The following ATP10A variants were observed in gnomAD, a reference collection of about 807,000 sequenced individuals.
The protein encoded by ATP10A is ATPase phospholipid transporting 10A (putative), also known as phospholipid-transporting ATPase VA.
Under a neutral mutation model 147.8 loss-of-function variants are expected in ATP10A, and 111 were observed. The observed-to-expected ratio is 0.75, with a 90% CI of 0.64 to 0.88. ATP10A has a LOEUF of 0.88. Ranked by LOEUF, ATP10A falls within the 40% of genes least tolerant of loss-of-function variation. The probability of loss-of-function intolerance (pLI) is 0.00; values close to 1 mark genes in which losing one functional copy is unlikely to be tolerated. For missense variants in ATP10A, 1,927 were observed against 1,959.0 expected, an observed-to-expected ratio of 0.98 and a Z score of 0.31; for synonymous variants, 875 against 841.6, an observed-to-expected ratio of 1.04 and a Z score of -0.69.
Position 25,679,760 on chromosome 15 carries a change from C to T in ATP10A, c.4081G>A (p.Val1361Ile). 1 of 1,613,220 alleles carries T rather than the reference C, an allele frequency of 6.2e-7. No homozygotes were observed. The highest frequency in any genetic ancestry group is 1.7e-5 in the Admixed American group (1 of 60,030). Residue 1361 changes from valine to isoleucine, a missense_variant, in exon 21 of 21, where the codon GTC (valine) becomes ATC (isoleucine). Physicochemically the swap from Val to Ile is conservative, Grantham distance 29. Transcript: ENST00000555815. ...TCCCCGCTGGCCTCCAGGGAGCAGA[C>T]CGGCTGCTGTGTGTGCCAAGAAGGC... ...SQPSWHTQQP[V>I]CSLEASGEPS...
At chr15:25,775,180 C>T (rs1023050416) in intron 2 of ATP10A, among the ~76,000 whole-genome samples, 1 of 152,170 alleles carries the variant, frequency 6.6e-6, no homozygotes, top group Admixed American at 6.5e-5. Context: ...GACTTGGGTA[C>T]AAAAACTACC....
chr15:25,680,094 G>A, intron 20 of ATP10A, 27 bp downstream of exon 20: 1 of 1,608,140 alleles, frequency 6.2e-7, no homozygotes, highest in Non-Finnish European at 8.5e-7. Flanking sequence ...TCGGGGCTCA[G>A]AGGCACTATC....
intron 12 of ATP10A, among the ~76,000 whole-genome samples, chr15:25,706,191 G>A (rs1200172310): frequency 1.3e-5 from 2 of 152,158 alleles, no homozygotes; most frequent in Admixed American, 6.5e-5. Flanking sequence ...CATGAGCCTC[G>A]GGTGCCGCAG....
intron 1 of ATP10A, among the ~76,000 whole-genome samples, chr15:25,845,268 G>T (rs1380662035): frequency 6.6e-6 from 1 of 152,090 alleles, no homozygotes; most frequent in African/African-American, 2.4e-5. Flanking sequence ...AAAAGGCCAA[G>T]AAGACCAAGT....
chr15:25,862,251 A>G, intron 1 of ATP10A: 1 of 476,472 alleles, frequency 2.1e-6, no homozygotes, highest in Middle Eastern at 3.2e-4. Flanking sequence ...TTCAGAGACC[A>G]CTGTGCCTGG....
chr15:25,792,727 A>C (rs573122986), intron 1 of ATP10A, among the ~76,000 whole-genome samples: 1 of 152,068 alleles, frequency 6.6e-6, no homozygotes, highest in African/African-American at 2.4e-5. Flanking sequence ...CCTCCAGGAG[A>C]CTTGTTTGGA....
At chr15:25,743,667 AAC>A (rs1473427181) in intron 2 of ATP10A, among the ~76,000 whole-genome samples, 1 of 152,158 alleles carries the variant, frequency 6.6e-6, no homozygotes, top group African/African-American at 2.4e-5. Context: ...TGCTTAAAAC[AAC>A]AGTCATTTGT....
At chr15:25,702,233 G>GCCCC in intron 12 of ATP10A, 133 bp from the exon 13 acceptor site, 1 of 905,432 alleles carries the variant, frequency 1.1e-6, no homozygotes, top group Non-Finnish European at 1.6e-6. Context: ...GGCCTTGCCA[G>GCCCC]GGGCTGGGCT....
At chr15:25,756,092 G>C (rs1888392820) in intron 2 of ATP10A, among the ~76,000 whole-genome samples, 2 of 152,098 alleles carry the variant, frequency 1.3e-5, no homozygotes, top group African/African-American at 4.8e-5. Flanking sequence ...TCTAAGTTCT[G>C]TTCATTGTTT....
intron 12 of ATP10A, among the ~76,000 whole-genome samples, chr15:25,703,085 C>T (rs779397463): frequency 6.6e-6 from 1 of 152,168 alleles, no homozygotes; most frequent in Non-Finnish European, 1.5e-5. Context: ...GGGTCGGGCG[C>T]GGTGGCTCAC....
intron 1 of ATP10A, among the ~76,000 whole-genome samples, chr15:25,825,840 A>T: frequency 6.6e-6 from 1 of 152,210 alleles, no homozygotes; most frequent in East Asian, 1.9e-4. Context: ...GTCCATGCAC[A>T]CAGGAAAAAT....
Position 25,713,984 on chromosome 15 carries a change from G to A in ATP10A, c.2034C>T (p.Ala678=). The A allele has an allele frequency of 2.5e-6, 4 of 1,609,874 alleles. No homozygotes were observed. The highest frequency in any genetic ancestry group is 1.7e-6 in the Non-Finnish European group (2 of 1,179,932). ...ACTCCTGCTCCTGAGCAAGCTCCGA[G>A]GCCCAGTTGTCCGCCTGGCTGCTGT... ...NGYSSQADNW[A]SELAQEQESE... Residue 678 remains alanine, a synonymous_variant, in exon 10 of 21, where the codon GCC becomes GCT. Coordinates refer to ENST00000555815, the MANE Select transcript of ATP10A (RefSeq NM_024490.4).
At chr15:25,732,136 GA>G (rs1283107949) in intron 3 of ATP10A, among the ~76,000 whole-genome samples, 8 of 152,036 alleles carry the variant, frequency 5.3e-5, no homozygotes, top group Non-Finnish European at 1.5e-5. Context: ...CCTCCCAAAG[GA>G]TTACAGGCAT....
At chr15:25,810,316 G>A (rs1891372739) in intron 1 of ATP10A, among the ~76,000 whole-genome samples, 1 of 152,210 alleles carries the variant, frequency 6.6e-6, no homozygotes, top group Non-Finnish European at 1.5e-5. Context: ...GAGCCCACAG[G>A]GAGGACAGCT....
intron 1 of ATP10A, among the ~76,000 whole-genome samples, chr15:25,856,270 G>A (rs1212173817): frequency 3.9e-5 from 6 of 152,108 alleles, no homozygotes; most frequent in African/African-American, 1.4e-4. Context: ...TGAGTCTCAC[G>A]AGATCTGATG....
chr15:25,797,304 T>C (rs1041724755), intron 1 of ATP10A, among the ~76,000 whole-genome samples: 2 of 152,202 alleles, frequency 1.3e-5, no homozygotes, highest in Non-Finnish European at 2.9e-5. Context: ...AAGTTGGAAA[T>C]GTAATTTTTT....
At chr15:25,825,999 A>G (rs8025280) in intron 1 of ATP10A, among the ~76,000 whole-genome samples, 142,493 of 152,196 alleles carry the variant, frequency 0.94, 67,191 homozygotes, top group Non-Finnish European at 1. Flanking sequence ...AAAGAACCAA[A>G]TACAAATTCT....
chr15:25,795,961 G>C (rs935252), intron 1 of ATP10A, among the ~76,000 whole-genome samples: 149,678 of 152,208 alleles, frequency 0.98, 73,653 homozygotes, highest in East Asian at 1. Flanking sequence ...GATTCTGCTC[G>C]CCTCTCCCTT....
At chr15:25,741,986 G>A (rs539088630) in intron 2 of ATP10A, among the ~76,000 whole-genome samples, 86 of 152,342 alleles carry the variant, frequency 5.6e-4, no homozygotes, top group Non-Finnish European at 9.4e-4. Context: ...TTAATGCCCC[G>A]TGACAAATAC....
Sources: allele counts gnomAD v4.1 joint callset (sites outside exome capture counted in the v4.1 genomes callset), GRCh38; gene constraint gnomAD v4.1.1; transcripts MANE v1.5; gene names NCBI Gene and HGNC (gene_info 2026-07-23, HGNC 2026-07-21).